Variants in PDHX observed in about 807,000 individuals in gnomAD.
The protein encoded by PDHX is pyruvate dehydrogenase protein X component, mitochondrial.
PDHX carries 33 observed loss-of-function variants against 55.3 expected under a neutral mutation model. That is an observed-to-expected ratio of 0.60 (90% CI 0.45 to 0.80). PDHX has a LOEUF of 0.80. Ranked by LOEUF, PDHX falls within the 30% of genes least tolerant of loss-of-function variation. PDHX has a pLI of 0.00. For missense variants in PDHX, 622 were observed against 619.9 expected (o/e 1.00, Z -0.04); for synonymous variants, 226 against 219.4 (o/e 1.03, Z -0.27).
At chr11:34,949,899 C>G (rs1854715331) in intron 3 of PDHX, among the ~76,000 whole-genome samples, 1 of 151,850 alleles carries the variant, frequency 6.6e-6, no homozygotes, top group African/African-American at 2.4e-5. Flanking sequence ...AAACAATTTT[C>G]AAAAGTAGAA....
intron 3 of PDHX, among the ~76,000 whole-genome samples, chr11:34,957,075 C>T (rs1854918952): frequency 6.6e-6 from 1 of 152,098 alleles, no homozygotes; most frequent in Admixed American, 6.5e-5. Flanking sequence ...GTATTGACAT[C>T]AAAAAGAAGA....
chr11:34,916,198 A>G (rs773273824), upstream of PDHX: 2 of 1,602,620 alleles, frequency 1.2e-6, no homozygotes, highest in South Asian at 2.2e-5. Flanking sequence ...TCCTCCTGGG[A>G]ATACCGGGCA....
intron 10 of PDHX, among the ~76,000 whole-genome samples, chr11:34,994,451 A>G (rs1319755685): frequency 6.6e-6 from 1 of 152,224 alleles, no homozygotes; most frequent in Admixed American, 6.5e-5. Flanking sequence ...AATGCTTAGG[A>G]CATCACTATA....
chr11:34,939,504 T>TGTGTGTGCGC (rs1491574898), intron 2 of PDHX, among the ~76,000 whole-genome samples: 17 of 148,512 alleles, frequency 1.1e-4, no homozygotes, highest in African/African-American at 4.3e-4. Context: ...TGTGTGTGTG[T>TGTGTGTGCGC]GCACTTGCAT....
chr11:34,917,570 C>A (rs1402767226), intron 1 of PDHX, among the ~76,000 whole-genome samples: 1 of 151,970 alleles, frequency 6.6e-6, no homozygotes, highest in Non-Finnish European at 1.5e-5. Flanking sequence ...ATAGGACTGA[C>A]GTTTTTTAGT....
chr11:34,980,922 ATCATTTTC>A (rs1855496016), intron 8 of PDHX, among the ~76,000 whole-genome samples: 1 of 152,200 alleles, frequency 6.6e-6, no homozygotes, highest in Non-Finnish European at 1.5e-5. Flanking sequence ...GTTTTTCAGC[ATCATTTTC>A]ACCTGTGATA....
Position 34,947,615 on chromosome 11 carries a change from T to C in PDHX, c.342+9T>C, listed in dbSNP as rs1191510178. Reference sequence around the variant, plus strand: ...TCTTGGCCAAAATCGTGGTAAGTTTTTATTTTAATTTTCTTCAACAGGATG... The same window carrying C: ...TCTTGGCCAAAATCGTGGTAAGTTTCTATTTTAATTTTCTTCAACAGGATG... On this transcript the variant is annotated intron_variant, in intron 3 of 10. Coordinates refer to ENST00000227868, the MANE Select transcript of PDHX (RefSeq NM_003477.3). 1 of 1,540,746 alleles carries C rather than the reference T, an allele frequency of 6.5e-7. No individual in the cohort carries two copies. The highest frequency in any genetic ancestry group is 9.0e-7 in the Non-Finnish European group (1 of 1,112,640).
chr11:34,936,390 A>C (rs12275339), intron 2 of PDHX, among the ~76,000 whole-genome samples: 1 of 152,040 alleles, frequency 6.6e-6, no homozygotes, highest in Admixed American at 6.6e-5. Flanking sequence ...ATAGAACTGC[A>C]GTGCTGTAAG....
chr11:34,994,913 G>C lies in PDHX; in HGVS notation c.1248-1G>C. 1 of 1,613,756 alleles carries C rather than the reference G, an allele frequency of 6.2e-7. No individual in the cohort carries two copies. The highest frequency in any genetic ancestry group is 8.5e-7 in the Non-Finnish European group (1 of 1,179,828). On this transcript the variant is annotated splice_acceptor_variant, in intron 10 of 10. Coordinates refer to ENST00000227868, the MANE Select transcript of PDHX (RefSeq NM_003477.3). LOFTEE classifies it high-confidence loss of function. ...TTCAGAGCTTTTTCTTTTCCCCCTAGTATTTCCAACTTGGGGATGTTTGGC... is the reference window on the plus strand; with the variant it reads ...TTCAGAGCTTTTTCTTTTCCCCCTACTATTTCCAACTTGGGGATGTTTGGC...
chr11:34,937,103 CT>C (rs1854341078), intron 2 of PDHX, among the ~76,000 whole-genome samples: 1 of 152,090 alleles, frequency 6.6e-6, no homozygotes, highest in Non-Finnish European at 1.5e-5. Context: ...TTTCTACATA[CT>C]TTTCTGAGCC....
rs1855617893 is a variant in PDHX at position 34,985,351 on chromosome 11, G to A, written c.1182+623G>A. Among the ~76,000 whole-genome samples the A allele has an allele frequency of 2.0e-5, 3 of 152,290 alleles. No homozygotes were observed. The South Asian group carries it at 6.2e-4, about 32-fold the overall frequency. ...AGCTACTCGGGAGGCTGAGGAACAA[G>A]AATCACTTGAACCCAGGAGGCAGAG... On this transcript the variant is annotated intron_variant, in intron 9 of 10. Transcript: ENST00000227868.
intron 1 of PDHX, among the ~76,000 whole-genome samples, chr11:34,929,839 CCTT>C (rs1347110876): frequency 6.6e-5 from 10 of 152,112 alleles, no homozygotes; most frequent in African/African-American, 2.2e-4. Context: ...ACTTTTCCAG[CCTT>C]CTTAGAATTT....
At chr11:34,976,179 GA>G (rs1565166962) in intron 7 of PDHX, among the ~76,000 whole-genome samples, 2 of 152,016 alleles carry the variant, frequency 1.3e-5, no homozygotes, top group Non-Finnish European at 2.9e-5. Flanking sequence ...TGGTAATTAG[GA>G]ATTTTCTTAA....
chr11:34,916,416 G>A (rs1269692849), upstream of PDHX: 2 of 1,500,120 alleles, frequency 1.3e-6, no homozygotes, highest in Non-Finnish European at 1.8e-6. Flanking sequence ...CGGGGCGAAC[G>A]GGGCGGGGGC....
intron 2 of PDHX, among the ~76,000 whole-genome samples, chr11:34,945,291 T>G (rs1854596003): frequency 6.6e-6 from 1 of 152,226 alleles, no homozygotes; most frequent in African/African-American, 2.4e-5. Context: ...AACATTACTT[T>G]AAAAATACTA....
At chr11:34,935,852 T>C (rs1854296696) in intron 2 of PDHX, among the ~76,000 whole-genome samples, 2 of 152,208 alleles carry the variant, frequency 1.3e-5, no homozygotes, top group Admixed American at 1.3e-4. Flanking sequence ...AGACTAGCCC[T>C]GGCAAGGACT....
chr11:34,923,850 G>A (rs543785336), intron 1 of PDHX, among the ~76,000 whole-genome samples: 2 of 152,326 alleles, frequency 1.3e-5, no homozygotes, highest in Admixed American at 1.3e-4. Flanking sequence ...AATAGTATGA[G>A]CACTGAAGGT....
intron 8 of PDHX, among the ~76,000 whole-genome samples, chr11:34,981,434 T>C (rs1234147555): frequency 6.6e-6 from 1 of 152,220 alleles, no homozygotes; most frequent in East Asian, 1.9e-4. Flanking sequence ...AAGTCTTTGC[T>C]ATTGTGAATA....
intron 3 of PDHX, among the ~76,000 whole-genome samples, chr11:34,951,884 A>G (rs2133967390): frequency 6.6e-6 from 1 of 152,274 alleles, no homozygotes; most frequent in South Asian, 2.1e-4. Context: ...ATACAGTGTA[A>G]GGAAGGGATC....
Sources: allele counts gnomAD v4.1 joint callset (sites outside exome capture counted in the v4.1 genomes callset), GRCh38; gene constraint gnomAD v4.1.1; transcripts MANE v1.5; gene names NCBI Gene and HGNC (gene_info 2026-07-23, HGNC 2026-07-21).